ZRANB1: variants seen among roughly 807,000 people sequenced by gnomAD.
The protein encoded by ZRANB1 is ubiquitin thioesterase ZRANB1.
Under a neutral mutation model 80.5 loss-of-function variants are expected in ZRANB1, and 16 were observed. The observed-to-expected ratio is 0.20, with a 90% CI of 0.13 to 0.30. The LOEUF is 0.30. ZRANB1 is among the 10% of genes least tolerant of loss of function. ZRANB1 has a pLI of 1.00. For synonymous variants in ZRANB1, 291 were observed against 293.1 expected, an observed-to-expected ratio of 0.99 and a Z score of 0.07; for missense variants, 576 against 862.6, an observed-to-expected ratio of 0.67 and a Z score of 4.16.
upstream of ZRANB1, chr10:124,940,422 T>A: frequency 9.7e-7 from 1 of 1,032,988 alleles, no homozygotes; most frequent in South Asian, 1.4e-5. Context: ...TTGCAGTATC[T>A]CCTGAGGAAG....
chr10:124,930,166 G>T, the ZRANB1 span, among the ~76,000 whole-genome samples: 1 of 152,230 alleles, frequency 6.6e-6, no homozygotes, highest in South Asian at 2.1e-4. Context: ...TCAGATGTGA[G>T]GCTTGGGTTC....
the ZRANB1 span, among the ~76,000 whole-genome samples, chr10:124,935,651 C>T: frequency 2.0e-5 from 3 of 152,200 alleles, no homozygotes; most frequent in Non-Finnish European, 4.4e-5. Context: ...GGTCTTGCTG[C>T]CTGTTCAGTT....
chr10:124,971,083 C>T (rs1286775704), intron 2 of ZRANB1, among the ~76,000 whole-genome samples: 3 of 152,108 alleles, frequency 2.0e-5, no homozygotes, highest in Non-Finnish European at 4.4e-5. Flanking sequence ...CTCGGCCTCC[C>T]AGAGTTGGTG....
the ZRANB1 span, among the ~76,000 whole-genome samples, chr10:124,922,327 T>TAAAAA: frequency 4.4e-5 from 1 of 22,594 alleles, no homozygotes; most frequent in Non-Finnish European, 2.9e-4. Flanking sequence ...AAAATATATG[T>TAAAAA]ATATATATAT....
intron 1 of ZRANB1, among the ~76,000 whole-genome samples, chr10:124,966,361 G>A (rs1951775835): frequency 6.6e-6 from 1 of 152,046 alleles, no homozygotes; most frequent in African/African-American, 2.4e-5. Context: ...ACCAGAGCCT[G>A]GAGCCTGCAC....
At position 124,983,554 on chromosome 10, in the gene ZRANB1, A is replaced by G. The variant is rs752217627; in HGVS notation, c.1774A>G (p.Met592Val). ...TRGHFSALVA[M>V]ENDGYGNRGA... is the part of the protein sequence containing the mutation. Reference sequence around the variant, plus strand: ...GGGCCACTTCTCTGCTTTGGTTGCCATGGAAAATGATGGCTATGGCAACCG... The same window carrying G: ...GGGCCACTTCTCTGCTTTGGTTGCCGTGGAAAATGATGGCTATGGCAACCG... Residue 592 changes from methionine (M) to valine (V), a missense_variant, in exon 8 of 9, where the codon ATG becomes GTG. Transcript: ENST00000359653. This position sits in a 1 kb window ranked among gnomAD's most constrained non-coding sequence, Gnocchi z 6.2. The G allele has an allele frequency of 6.2e-6, 10 of 1,614,170 alleles. No individual in the cohort carries two copies. Among genetic ancestry groups the G allele is most frequent in the South Asian group, 3.3e-5 (3 of 91,082 alleles).
chr10:124,930,759 G>A, the ZRANB1 span, among the ~76,000 whole-genome samples: 1 of 152,200 alleles, frequency 6.6e-6, no homozygotes, highest in Non-Finnish European at 1.5e-5. Context: ...TCATGGCTAT[G>A]TGCAGTGGCT....
the ZRANB1 span, among the ~76,000 whole-genome samples, chr10:124,936,033 G>A: frequency 2.0e-5 from 3 of 152,196 alleles, no homozygotes; most frequent in Non-Finnish European, 4.4e-5. Context: ...CTTGAACTGA[G>A]CCTTAAAGGA....
At position 124,986,048 on chromosome 10, in the gene ZRANB1, T is replaced by C. The variant is rs1267138057; in HGVS notation, c.*1056T>C. The C allele has an allele frequency of 6.6e-6, 1 of 152,618 alleles. No individual in the cohort carries two copies. Among genetic ancestry groups the C allele is most frequent in the Non-Finnish European group, 1.5e-5 (1 of 68,042 alleles). The allele number at this position is 152,618 out of a possible 1,614,324, so 9.5% of individuals were successfully genotyped here. On this transcript the variant is annotated 3_prime_UTR_variant, in exon 9 of 9. Transcript: ENST00000359653. ...ATGAAGAATTTCTCAGTGTTTAGTC[T>C]GAGAATTTTTGCATGTTGGTTAATT...
Position 124,971,967 on chromosome 10 carries a change from G to A in ZRANB1, c.1005G>A (p.Val335=). Residue 335 remains valine, a splice_region_variant and synonymous_variant, in exon 3 of 9, where the codon GTG becomes GTA. Transcript: ENST00000359653. The stretch of plus-strand genomic sequence containing the variant: ...GGAAGGTTTCTTTTGTATTTAAGGT[G>A]TCTCAACAAGCAGCAAAGTGTATTC... The part of the protein sequence containing the change: ...QDMLAILLTE[V]SQQAAKCIPA... The A allele has an allele frequency of 6.3e-7, 1 of 1,591,324 alleles. No homozygotes were observed. Among genetic ancestry groups the A allele is most frequent in the Non-Finnish European group, 8.5e-7 (1 of 1,169,858 alleles).
At chr10:124,918,808 G>A in the ZRANB1 span, among the ~76,000 whole-genome samples, 1 of 152,144 alleles carries the variant, frequency 6.6e-6, no homozygotes, top group African/African-American at 2.4e-5. Context: ...TCTAAAGATA[G>A]GCAGTCTCTT....
chr10:124,954,862 TC>T (rs1951676356), intron 1 of ZRANB1, among the ~76,000 whole-genome samples: 1 of 151,130 alleles, frequency 6.6e-6, no homozygotes, highest in African/African-American at 2.4e-5. Flanking sequence ...GGGCACGGTT[TC>T]TCACGCCTGT....
chr10:124,963,763 C>T (rs192138436), intron 1 of ZRANB1, among the ~76,000 whole-genome samples: 5 of 151,916 alleles, frequency 3.3e-5, no homozygotes, highest in African/African-American at 7.2e-5. Flanking sequence ...GCAATAAAGA[C>T]GTAGCAAAAA....
At position 124,943,030 on chromosome 10, in the gene ZRANB1, C is replaced by T. The variant is rs1463647978; in HGVS notation, c.537C>T (p.Asn179=). ...CVVCDHPRPN[N]IEAIELAETE... is the part of the protein sequence containing the mutation. ...TTTGTGATCATCCCAGACCTAATAA[C>T]ATTGAAGCAATAGAATTGGCAGAGA... The change falls in exon 1 of 9, where the codon AAC becomes AAT. Residue 179 remains asparagine, a synonymous_variant. Coordinates refer to ENST00000359653, the MANE Select transcript of ZRANB1 (RefSeq NM_017580.3). 6.2e-7 allele frequency: 1 copy of T among 1,614,186 alleles called. No homozygotes were observed. The highest frequency in any genetic ancestry group is 2.2e-5 in the East Asian group (1 of 44,888).
chr10:124,940,631 A>G, upstream of ZRANB1: 2 of 878,042 alleles, frequency 2.3e-6, no homozygotes, highest in South Asian at 2.9e-5. Context: ...TTCACACTAT[A>G]AATGGTGTAT....
At chr10:124,926,667 A>T in the ZRANB1 span, among the ~76,000 whole-genome samples, 2 of 152,190 alleles carry the variant, frequency 1.3e-5, no homozygotes, top group Admixed American at 1.3e-4. Flanking sequence ...GTAAAATGAC[A>T]ATAAAAAGTA....
intron 1 of ZRANB1, among the ~76,000 whole-genome samples, chr10:124,964,700 C>T (rs997439659): frequency 4.6e-5 from 7 of 151,880 alleles, no homozygotes; most frequent in African/African-American, 1.5e-4. Context: ...TTATGTAATA[C>T]GAAAAAATTT....
rs971869296 is a variant in ZRANB1, at chr10:124,983,744, C to T, written c.1908+56C>T. The T allele has an allele frequency of 1.5e-6, 2 of 1,355,500 alleles. No individual in the cohort carries two copies. Among genetic ancestry groups the T allele is most frequent in the African/African-American group, 2.9e-5 (2 of 69,154 alleles). The allele number at this position is 1,355,500 out of a possible 1,614,324, so 84.0% of individuals were successfully genotyped here. On this transcript the variant is annotated intron_variant, in intron 8 of 8. Coordinates refer to ENST00000359653, the MANE Select transcript of ZRANB1 (RefSeq NM_017580.3). The surrounding 1 kb of genome is among the most constrained non-coding windows in gnomAD (Gnocchi z 6.2). ...GTAGTGACCTTGTACCAGAAACAGC[C>T]TGAAGTGCCTTTCAGGTGTGGTTTT...
chr10:124,981,537 G>A (rs1309198352), intron 5 of ZRANB1, 172 bp from the exon 6 acceptor site: 2 of 561,824 alleles, frequency 3.6e-6, no homozygotes, highest in Admixed American at 3.8e-5. Context: ...ATCTGCTAGT[G>A]GAAGAGGGAG....
Sources: allele counts gnomAD v4.1 joint callset (sites outside exome capture counted in the v4.1 genomes callset), GRCh38; gene constraint gnomAD v4.1.1; non-coding constraint Gnocchi (gnomAD v3.1); transcripts MANE v1.5; gene names NCBI Gene and HGNC (gene_info 2026-07-23, HGNC 2026-07-21).